RELN: variants seen among roughly 807,000 people sequenced by gnomAD.
RELN encodes the protein reelin.
A neutral mutation model predicts 427.6 loss-of-function variants in RELN; 108 were observed. The observed-to-expected ratio is 0.25, with a 90% confidence interval of 0.22 to 0.30. RELN has a LOEUF of 0.30. RELN is among the 10% of genes least tolerant of loss of function. The pLI is 1.00. For missense variants in RELN, 3,715 were observed against 4,302.8 expected (o/e 0.86, Z 3.82); for synonymous variants, 1,524 against 1,513.4 (o/e 1.01, Z -0.16).
chr7:103,604,604 C>A, intron 22 of RELN, 121 bp from the exon 23 acceptor site: 1 of 933,114 alleles, frequency 1.1e-6, no homozygotes. Context: ...GCTTAGCTGG[C>A]ATCATTTTTC....
At chr7:103,870,884 C>A (rs1794316123) in intron 2 of RELN, among the ~76,000 whole-genome samples, 1 of 152,124 alleles carries the variant, frequency 6.6e-6, no homozygotes, top group Non-Finnish European at 1.5e-5. Context: ...CCTCCTGGTG[C>A]CTAGCTCCAC....
At chr7:103,744,967 G>A (rs1032573729) in intron 6 of RELN, among the ~76,000 whole-genome samples, 2 of 152,118 alleles carry the variant, frequency 1.3e-5, no homozygotes, top group Non-Finnish European at 2.9e-5. Flanking sequence ...AACCAAAAAA[G>A]ATAATTTTAG....
chr7:103,785,807 G>A (rs1791999956), intron 3 of RELN, among the ~76,000 whole-genome samples: 1 of 152,076 alleles, frequency 6.6e-6, no homozygotes, highest in South Asian at 2.1e-4. Flanking sequence ...AAGGAATTAT[G>A]ATGATAATGT....
chr7:103,651,697 G>A lies in RELN; in HGVS notation c.1856C>T (p.Pro619Leu). ...TTCAGAGGAGTAGACAGTGCTGTGGGGGAGGTGGGGTCCAGCACAGATCTC... is the reference window on the plus strand; with the variant it reads ...TTCAGAGGAGTAGACAGTGCTGTGGAGGAGGTGGGGTCCAGCACAGATCTC... Reference protein sequence around the residue: ...LPEICAGPHLPHSTVYSSENY... With the variant: ...LPEICAGPHLLHSTVYSSENY... Residue 619 changes from proline to leucine, a missense_variant, in exon 15 of 65, where the codon CCC becomes CTC. Physicochemically the swap from Pro to Leu is moderately conservative, Grantham distance 98. This residue lies in a region of RELN where 2,208 missense variants were observed against 2,361.7 expected (regional missense o/e 0.93). Transcript: ENST00000428762. 2 of 1,611,742 alleles carry A rather than the reference G, an allele frequency of 1.2e-6. No homozygotes were observed. The highest frequency in any genetic ancestry group is 1.7e-6 in the Non-Finnish European group (2 of 1,178,412).
At chr7:103,764,814 G>A (rs1791388191) in intron 4 of RELN, among the ~76,000 whole-genome samples, 1 of 134,392 alleles carries the variant, frequency 7.4e-6, no homozygotes, top group African/African-American at 3.0e-5. Context: ...CCAGCCTGGT[G>A]ACAAGAGTGA....
chr7:103,872,812 C>T (rs1212037989), intron 2 of RELN, among the ~76,000 whole-genome samples: 1 of 149,348 alleles, frequency 6.7e-6, no homozygotes, highest in South Asian at 2.3e-4. Flanking sequence ...CTCTGATGGC[C>T]AGTGATGATG....
At chr7:103,828,744 T>G (rs1793203987) in intron 3 of RELN, among the ~76,000 whole-genome samples, 1 of 151,932 alleles carries the variant, frequency 6.6e-6, no homozygotes, top group Non-Finnish European at 1.5e-5. Context: ...ATTTCAGAAT[T>G]TTAAAGTGGC....
rs141364701 is a variant in RELN at position 103,861,605 on chromosome 7, A to G, written c.338-27933T>C. 3.8e-3 allele frequency among the ~76,000 whole-genome samples: 573 copies of G among 152,312 alleles called. 4 individuals carry two copies. Among genetic ancestry groups the G allele is most frequent in the African/African-American group, 0.013 (524 of 41,570 alleles). ...AACCTGTTTACATTCCAAAGCAAAA[A>G]GAGAAGTTCCACATACAGGAAGTTG... On this transcript the variant is annotated intron_variant, in intron 2 of 64. Coordinates refer to ENST00000428762, the MANE Select transcript of RELN (RefSeq NM_005045.4).
intron 48 of RELN, among the ~76,000 whole-genome samples, chr7:103,520,985 T>TTTTTTTTTTG: frequency 7.2e-6 from 1 of 138,160 alleles, no homozygotes; most frequent in Non-Finnish European, 1.6e-5. Context: ...TTTTTTTTTT[T>TTTTTTTTTTG]TTGAGACGGA....
chr7:103,767,504 A>G (rs1791455398), intron 4 of RELN, among the ~76,000 whole-genome samples: 1 of 152,166 alleles, frequency 6.6e-6, no homozygotes, highest in Non-Finnish European at 1.5e-5. Context: ...TTCAAATACT[A>G]GTCCTCATCC....
intron 1 of RELN, among the ~76,000 whole-genome samples, chr7:103,935,330 TCA>T (rs1445560695): frequency 6.6e-6 from 1 of 152,178 alleles, no homozygotes; most frequent in Non-Finnish European, 1.5e-5. Context: ...CTAATGACCT[TCA>T]TGGTGCTAAA....
intron 11 of RELN, among the ~76,000 whole-genome samples, chr7:103,666,417 CTCT>C (rs1324318079): frequency 4.6e-5 from 7 of 152,020 alleles, no homozygotes; most frequent in Non-Finnish European, 8.8e-5. Flanking sequence ...TCATAGTACC[CTCT>C]TCTTTCAAAA....
chr7:103,797,965 A>G (rs895860401), intron 3 of RELN, among the ~76,000 whole-genome samples: 5 of 152,256 alleles, frequency 3.3e-5, no homozygotes, highest in African/African-American at 7.2e-5. Flanking sequence ...AATTATGGCA[A>G]TAAGTCACGG....
chr7:103,494,637 G>C (rs934758035), intron 57 of RELN, among the ~76,000 whole-genome samples: 4 of 150,542 alleles, frequency 2.7e-5, no homozygotes, highest in African/African-American at 9.8e-5. Context: ...TTCCTCCTTG[G>C]CCTCCCAAAG....
intron 20 of RELN, among the ~76,000 whole-genome samples, chr7:103,619,113 T>TAA (rs398111653): frequency 1.4e-4 from 20 of 146,574 alleles, no homozygotes; most frequent in African/African-American, 3.5e-4. Context: ...CCTCTCAAAT[T>TAA]AAAAAAAAAA....
chr7:103,864,070 C>T (rs2116502995), intron 2 of RELN, among the ~76,000 whole-genome samples: 1 of 152,218 alleles, frequency 6.6e-6, no homozygotes, highest in East Asian at 1.9e-4. Context: ...TTTTCAACTT[C>T]ACTCAGAAGT....
intron 1 of RELN, among the ~76,000 whole-genome samples, chr7:103,933,837 C>A (rs933658842): frequency 2.0e-4 from 31 of 152,110 alleles, no homozygotes; most frequent in African/African-American, 7.2e-4. Context: ...ATTGATTATT[C>A]CTCCACTGAC....
At chr7:103,574,867 C>G (rs1486408397) in intron 29 of RELN, among the ~76,000 whole-genome samples, 1 of 152,204 alleles carries the variant, frequency 6.6e-6, no homozygotes, top group African/African-American at 2.4e-5. Context: ...CAATTTTCCT[C>G]TTTAATCTCA....
At chr7:103,592,418 T>A (rs1251128582) in intron 27 of RELN, among the ~76,000 whole-genome samples, 3 of 152,172 alleles carry the variant, frequency 2.0e-5, no homozygotes, top group African/African-American at 7.2e-5. Context: ...TGTACCACAT[T>A]TTCTTTATCC....
Sources: allele counts gnomAD v4.1 joint callset (sites outside exome capture counted in the v4.1 genomes callset), GRCh38; gene constraint gnomAD v4.1.1; regional missense constraint gnomAD v4.1.1; transcripts MANE v1.5; gene names NCBI Gene and HGNC (gene_info 2026-07-23, HGNC 2026-07-21).